Variants in ENG observed in about 807,000 individuals in gnomAD.
ENG encodes CD105 antigen.
A neutral mutation model predicts 71.0 loss-of-function variants in ENG; 17 were observed. That is an observed-to-expected ratio of 0.24 (90% CI 0.16 to 0.36). The LOEUF (loss-of-function observed/expected upper bound fraction) is 0.36, where lower values mean the gene tolerates loss of function less well. Among genes scored for constraint, ENG ranks in the 10% least tolerant of loss-of-function variants. ENG has a pLI of 1.00. For synonymous variants in ENG, 360 were observed against 366.9 expected, an observed-to-expected ratio of 0.98 and a Z score of 0.21; for missense variants, 749 against 868.3, an observed-to-expected ratio of 0.86 and a Z score of 1.73.
chr9:127,827,244 T>C (rs751735828), intron 3 of ENG: 7 of 155,568 alleles, frequency 4.5e-5, no homozygotes, highest in Non-Finnish European at 1.0e-4. Flanking sequence ...AATGAATTAA[T>C]GAATTAAAGA....
chr9:127,819,817 C>A (rs1270957483), intron 9 of ENG, 83 bp downstream of exon 9: 10 of 1,612,766 alleles, frequency 6.2e-6, no homozygotes, highest in African/African-American at 1.3e-5. Context: ...CCCAAACACA[C>A]CTCCACCCTG....
intron 3 of ENG, among the ~76,000 whole-genome samples, chr9:127,827,455 G>A (rs1830648036): frequency 6.6e-6 from 1 of 152,096 alleles, no homozygotes; most frequent in Non-Finnish European, 1.5e-5. Flanking sequence ...AGAAGAAATG[G>A]GGGTTGGGGG....
intron 7 of ENG, 147 bp downstream of exon 7, chr9:127,824,653 C>A: frequency 1.8e-6 from 2 of 1,107,338 alleles, no homozygotes; most frequent in East Asian, 2.6e-5. Flanking sequence ...TTAGCTACTC[C>A]CATTGTTCCC....
intron 1 of ENG, 121 bp downstream of exon 1, chr9:127,854,168 A>G: frequency 9.8e-7 from 1 of 1,016,568 alleles, no homozygotes; most frequent in Non-Finnish European, 1.5e-6. Flanking sequence ...GACCCTCCAG[A>G]GCCCCAAGGA....
intron 2 of ENG, among the ~76,000 whole-genome samples, chr9:127,831,715 A>G (rs920348741): frequency 6.3e-5 from 9 of 142,342 alleles, no homozygotes; most frequent in South Asian, 2.2e-4. Flanking sequence ...CTTTTGAGAC[A>G]GGGTCTTGCT....
chr9:127,819,848 G>A (rs1162244598), intron 9 of ENG, 52 bp downstream of exon 9: 2 of 1,613,902 alleles, frequency 1.2e-6, no homozygotes, highest in East Asian at 2.2e-5. Flanking sequence ...GAGGGCACCT[G>A]AGGGGGCACC....
chr9:127,852,715 C>A (rs1829059477), intron 1 of ENG, among the ~76,000 whole-genome samples: 2 of 152,126 alleles, frequency 1.3e-5, no homozygotes, highest in African/African-American at 2.4e-5. Context: ...CCAGGTGCTA[C>A]CGGGCACTGA....
At chr9:127,825,649 T>C (rs1303651415) in intron 5 of ENG, 46 bp downstream of exon 5, 15 of 1,228,416 alleles carry the variant, frequency 1.2e-5, no homozygotes, top group Admixed American at 5.6e-5. Context: ...AGGGGGGTGG[T>C]CTCTCGGGGT....
intron 1 of ENG, among the ~76,000 whole-genome samples, chr9:127,851,430 G>A (rs1352325136): frequency 6.6e-6 from 1 of 151,900 alleles, no homozygotes; most frequent in East Asian, 1.9e-4. Context: ...ATGTTGGTCA[G>A]GCTGGTCATG....
chr9:127,818,404 C>A, intron 11 of ENG, 27 bp from the exon 12 acceptor site: 1 of 1,611,032 alleles, frequency 6.2e-7, no homozygotes. Context: ...GGCCACGCGG[C>A]ATGGGCAGCT....
At chr9:127,844,148 G>A (rs1045120620) in intron 1 of ENG, among the ~76,000 whole-genome samples, 3 of 148,954 alleles carry the variant, frequency 2.0e-5, no homozygotes, top group Non-Finnish European at 4.5e-5. Flanking sequence ...TTTTTGAGAC[G>A]GAGTTTTGCT....
At chr9:127,841,299 C>T (rs1831026750) in intron 2 of ENG, 1 of 152,226 alleles carries the variant, frequency 6.6e-6, no homozygotes, top group Non-Finnish European at 1.5e-5. Context: ...TGGATCCTGG[C>T]TGGCTATCTA....
intron 6 of ENG, 26 bp downstream of exon 6, chr9:127,825,205 T>A: frequency 1.2e-6 from 2 of 1,613,094 alleles, no homozygotes; most frequent in Non-Finnish European, 1.7e-6. Context: ...TTGGGTTTTG[T>A]GTCCCGGGAG....
chr9:127,848,838 G>A (rs1831231472), intron 1 of ENG, among the ~76,000 whole-genome samples: 1 of 152,156 alleles, frequency 6.6e-6, no homozygotes, highest in Non-Finnish European at 1.5e-5. Context: ...CACTTCCACT[G>A]GATACAGTGA....
chr9:127,819,129 G>A, intron 10 of ENG: 1 of 377,948 alleles, frequency 2.6e-6, no homozygotes, highest in South Asian at 2.2e-5. Context: ...AGTAGATACG[G>A]GGTTTCACCA....
At position 127,836,850 on chromosome 9, in the gene ENG, C is replaced by T. The variant is rs1187573666; in HGVS notation, c.219+6244G>A. On this transcript the variant is annotated intron_variant, in intron 2 of 14. Coordinates refer to ENST00000373203, the MANE Select transcript of ENG (RefSeq NM_001114753.3). The surrounding 1 kb of genome is among the most constrained non-coding windows in gnomAD (Gnocchi z 4.0). ...TCACTCAGGCTGGAGTACAGTGGCA[C>T]GATCTCGGCTCACTGCAATCTCCGC... Among the ~76,000 whole-genome samples, 6 of 152,234 alleles carry T rather than the reference C, an allele frequency of 3.9e-5. No homozygotes were observed. The South Asian group carries it at 6.2e-4, about 16-fold the overall frequency.
rs1220468991 is a variant in ENG, at chr9:127,838,641, T to C, written c.219+4453A>G. The stretch of plus-strand genomic sequence containing the variant: ...GTGCTGACCCAGCTCTGCCCTGGCC[T>C]GGCAGCCTGTGCATTTGTTAGGAGG... On this transcript the variant is annotated intron_variant, in intron 2 of 14. Coordinates refer to ENST00000373203, the MANE Select transcript of ENG (RefSeq NM_001114753.3). This position sits in a 1 kb window ranked among gnomAD's most constrained non-coding sequence, Gnocchi z 4.3. 1.3e-5 allele frequency among the ~76,000 whole-genome samples: 2 copies of C among 152,182 alleles called. No homozygotes were observed. Among genetic ancestry groups the C allele is most frequent in the Non-Finnish European group, 2.9e-5 (2 of 68,024 alleles).
In ENG at chr9:127,818,835, G is replaced by T; in HGVS notation, c.1312-3C>A. ...ATGTTGAGGCAGTGCACCTTTTTCT[G>T]GGGGAGGACGGGAGGGAGACTTGGT... On this transcript the variant is annotated splice_polypyrimidine_tract_variant and splice_region_variant and intron_variant, in intron 10 of 14. Coordinates refer to ENST00000373203, the MANE Select transcript of ENG (RefSeq NM_001114753.3). 1.2e-6 allele frequency: 2 copies of T among 1,613,710 alleles called. No individual in the cohort carries two copies. Among genetic ancestry groups the T allele is most frequent in the Non-Finnish European group, 1.7e-6 (2 of 1,179,732 alleles).
Position 127,846,214 on chromosome 9 carries a change from G to A in ENG, c.68-2969C>T, listed in dbSNP as rs1258128078. Among the ~76,000 whole-genome samples the A allele has an allele frequency of 1.3e-5, 2 of 152,054 alleles. No individual in the cohort carries two copies. Among genetic ancestry groups the A allele is most frequent in the Admixed American group, 1.3e-4 (2 of 15,244 alleles). On this transcript the variant is annotated intron_variant, in intron 1 of 14. Coordinates refer to ENST00000373203, the MANE Select transcript of ENG (RefSeq NM_001114753.3). This position sits in a 1 kb window ranked among gnomAD's most constrained non-coding sequence, Gnocchi z 5.5. ...GCCATCTCCTGTCTCCAGTCCCTCTGACCCACCAGCCCCCATGTTCTCCCC... is the reference window on the plus strand; with the variant it reads ...GCCATCTCCTGTCTCCAGTCCCTCTAACCCACCAGCCCCCATGTTCTCCCC...
Sources: gnomAD v4.1 joint callset for allele counts (sites outside exome capture counted in the v4.1 genomes callset) on GRCh38, gnomAD v4.1.1 for gene constraint, Gnocchi (gnomAD v3.1) non-coding constraint, MANE v1.5 for transcripts, NCBI Gene and HGNC (gene_info 2026-07-23, HGNC 2026-07-21) for gene names.